NIBAN1: variants seen among roughly 807,000 people sequenced by gnomAD.
NIBAN1 encodes protein Niban 1.
In NIBAN1, 81 loss-of-function variants were observed where a neutral mutation model predicts 75.1. The observed-to-expected ratio is 1.08, with a 90% confidence interval of 0.90 to 1.30. The LOEUF (loss-of-function observed/expected upper bound fraction) is 1.30. Ranked by LOEUF, NIBAN1 falls within the 50% of genes most tolerant of loss-of-function variation. NIBAN1 has a pLI of 0.00. For missense variants in NIBAN1, 1,133 were observed against 1,128.1 expected, an observed-to-expected ratio of 1.00 and a Z score of -0.06; for synonymous variants, 436 against 424.8, an observed-to-expected ratio of 1.03 and a Z score of -0.32.
chr1:184,900,755 C>G (rs1389530033), intron 1 of NIBAN1, among the ~76,000 whole-genome samples: 1 of 152,168 alleles, frequency 6.6e-6, no homozygotes, highest in Non-Finnish European at 1.5e-5. Context: ...ATTTCAACTA[C>G]TTGCTGCAGG....
intron 5 of NIBAN1, among the ~76,000 whole-genome samples, chr1:184,834,034 G>T (rs1474065348): frequency 8.3e-6 from 1 of 120,718 alleles, no homozygotes; most frequent in Non-Finnish European, 1.7e-5. Flanking sequence ...ACAGGCCCCA[G>T]TGTGTGATGT....
Position 184,796,027 on chromosome 1 carries a change from A to C in NIBAN1, c.1737T>G (p.Ser579Arg). The C allele has an allele frequency of 6.2e-7, 1 of 1,609,602 alleles. No homozygotes were observed. The highest frequency in any genetic ancestry group is 8.5e-7 in the Non-Finnish European group (1 of 1,179,150). ...GCTTTAGATCTGTTAAGCTGGACAC[A>C]CTTTCACTGGGCAAGGCCATGTTAT... is the stretch of plus-strand genomic sequence containing the variant. The part of the protein sequence containing the change: ...FEDNMALPSE[S>R]VSSLTDLKPP... Residue 579 changes from serine to arginine, a missense_variant, in exon 14 of 14, where the codon AGT (serine) becomes AGG (arginine). By Grantham distance (110) the Ser-to-Arg change is moderately radical. Transcript: ENST00000367511.
chr1:184,947,579 T>C lies in NIBAN1; in HGVS notation c.55+26723A>G, dbSNP rs552943384. Among the ~76,000 whole-genome samples the C allele has an allele frequency of 3.9e-5, 6 of 152,358 alleles. No individual in the cohort carries two copies. The East Asian group carries it at 1.2e-3, about 29-fold the overall frequency. On this transcript the variant is annotated intron_variant, in intron 1 of 13. Transcript: ENST00000367511. The stretch of plus-strand genomic sequence containing the variant: ...GCAATAATTTCTTAAAAGGCCTGGC[T>C]TTGACCAAATAATCCTGGGTTTGAA...
intron 5 of NIBAN1, among the ~76,000 whole-genome samples, chr1:184,859,504 G>T (rs897338774): frequency 6.6e-6 from 1 of 152,082 alleles, no homozygotes. Context: ...TCTGCTTTCC[G>T]TGTCACTGGG....
intron 1 of NIBAN1, among the ~76,000 whole-genome samples, chr1:184,955,950 C>T (rs1658479188): frequency 6.6e-6 from 1 of 151,462 alleles, no homozygotes; most frequent in Non-Finnish European, 1.5e-5. Flanking sequence ...GATGTATGCA[C>T]AGTGTCCACT....
intron 1 of NIBAN1, among the ~76,000 whole-genome samples, chr1:184,907,559 C>T (rs1271012570): frequency 6.6e-6 from 1 of 152,194 alleles, no homozygotes; most frequent in Non-Finnish European, 1.5e-5. Context: ...ATTATAACAT[C>T]AGCTATGGTC....
At chr1:184,961,557 T>C (rs1468287564) in intron 1 of NIBAN1, among the ~76,000 whole-genome samples, 2 of 152,222 alleles carry the variant, frequency 1.3e-5, no homozygotes, top group Non-Finnish European at 2.9e-5. Context: ...GTTGGTTACC[T>C]ACTTAATAGC....
chr1:184,932,935 G>A (rs574849458), intron 1 of NIBAN1, among the ~76,000 whole-genome samples: 10 of 152,124 alleles, frequency 6.6e-5, no homozygotes, highest in Admixed American at 3.3e-4. Context: ...AGAGAAACAC[G>A]ACAGATGGCA....
intron 1 of NIBAN1, among the ~76,000 whole-genome samples, chr1:184,929,533 C>CTT (rs146841654): frequency 2.6e-5 from 4 of 151,060 alleles, no homozygotes; most frequent in Non-Finnish European, 3.0e-5. Flanking sequence ...GTCTATGCCA[C>CTT]TTTTTTTTTA....
At position 184,911,477 on chromosome 1, in the gene NIBAN1, A is replaced by G. The variant is rs1657239590; in HGVS notation, c.56-12168T>C. Among the ~76,000 whole-genome samples, 3 of 152,222 alleles carry G rather than the reference A, an allele frequency of 2.0e-5. No homozygotes were observed. In the South Asian group the frequency reaches 6.2e-4, roughly 31 times the overall value. On this transcript the variant is annotated intron_variant, in intron 1 of 13. Transcript: ENST00000367511. The stretch of plus-strand genomic sequence containing the variant: ...GGCACCAGGGAAACCAGCTGACCTT[A>G]TATGAGTACCCCCTCCCTTAATCGC...
At chr1:184,919,698 A>G (rs1657480104) in intron 1 of NIBAN1, among the ~76,000 whole-genome samples, 1 of 152,090 alleles carries the variant, frequency 6.6e-6, no homozygotes, top group Admixed American at 6.5e-5. Flanking sequence ...CTATTAGGGT[A>G]ATGGTAACAG....
intron 6 of NIBAN1, among the ~76,000 whole-genome samples, chr1:184,824,445 T>C (rs1424939687): frequency 6.6e-6 from 1 of 151,922 alleles, no homozygotes; most frequent in Non-Finnish European, 1.5e-5. Flanking sequence ...AGCAAGGTTG[T>C]CTGCTTGACC....
At chr1:184,866,356 T>C (rs1294968631) in intron 5 of NIBAN1, among the ~76,000 whole-genome samples, 1 of 152,118 alleles carries the variant, frequency 6.6e-6, no homozygotes, top group Non-Finnish European at 1.5e-5. Flanking sequence ...GAAAATCAAA[T>C]TTAGGAGTCC....
Position 184,823,315 on chromosome 1 carries a change from G to A in NIBAN1, c.837C>T (p.Ala279=). 6.2e-7 allele frequency: 1 copy of A among 1,614,130 alleles called. No individual in the cohort carries two copies. The highest frequency in any genetic ancestry group is 8.5e-7 in the Non-Finnish European group (1 of 1,180,018). The stretch of plus-strand genomic sequence containing the variant: ...AAACTTGATGCTGAACCAGGGTGTA[G>A]GCCTCCTCGAGGAGCTGCAACAAGG... ...KRTWLGLLEE[A]YTLVQHQVSE... is the part of the protein sequence containing the mutation. Residue 279 remains alanine (A), a synonymous_variant, in exon 8 of 14, where the codon GCC becomes GCT. Coordinates refer to ENST00000367511, the MANE Select transcript of NIBAN1 (RefSeq NM_052966.4).
At position 184,808,245 on chromosome 1, in the gene NIBAN1, G is replaced by T; in HGVS notation, c.1174-10C>A. ...TAAGCCGGTCTAGATGCTGCATTTT[G>T]GTGAAGGGAAACATTAAACACCCTC... On this transcript the variant is annotated splice_polypyrimidine_tract_variant and intron_variant, in intron 9 of 13. Coordinates refer to ENST00000367511, the MANE Select transcript of NIBAN1 (RefSeq NM_052966.4). The T allele has an allele frequency of 6.2e-7, 1 of 1,612,684 alleles. No individual in the cohort carries two copies. Among genetic ancestry groups the T allele is most frequent in the Non-Finnish European group, 8.5e-7 (1 of 1,179,004 alleles).
intron 10 of NIBAN1, 46 bp downstream of exon 10, chr1:184,808,028 C>T (rs768747003): frequency 6.8e-6 from 11 of 1,608,770 alleles, no homozygotes; most frequent in African/African-American, 1.3e-5. Flanking sequence ...CATTTCTCTG[C>T]TCTCTCTTTA....
chr1:184,844,039 C>T (rs1411324820), intron 5 of NIBAN1, among the ~76,000 whole-genome samples: 3 of 152,182 alleles, frequency 2.0e-5, no homozygotes, highest in Non-Finnish European at 4.4e-5. Context: ...AGGGAAGATG[C>T]TTCTTTAGTC....
intron 7 of NIBAN1, 35 bp downstream of exon 7, chr1:184,823,603 G>T: frequency 1.3e-6 from 2 of 1,597,602 alleles, no homozygotes; most frequent in South Asian, 1.1e-5. Context: ...TTCCCATTTT[G>T]AGTAGCTCAG....
intron 5 of NIBAN1, among the ~76,000 whole-genome samples, chr1:184,857,645 A>C (rs1655713457): frequency 6.6e-6 from 1 of 152,234 alleles, no homozygotes; most frequent in African/African-American, 2.4e-5. Flanking sequence ...AAAAATCTGC[A>C]ATCAAATTAA....
Sources: allele counts gnomAD v4.1 joint callset (sites outside exome capture counted in the v4.1 genomes callset), GRCh38; gene constraint gnomAD v4.1.1; transcripts MANE v1.5; gene names NCBI Gene and HGNC (gene_info 2026-07-23, HGNC 2026-07-21).